NRG1: variants seen among roughly 807,000 people sequenced by gnomAD.
NRG1 encodes the protein neuregulin 1.
NRG1 carries 18 observed loss-of-function variants against 63.8 expected under a neutral mutation model. The ratio of observed to expected loss-of-function variants is 0.28; its 90% CI spans 0.19 to 0.42. The LOEUF (loss-of-function observed/expected upper bound fraction) is 0.42, where lower values mean the gene tolerates loss of function less well. NRG1 is among the 10% of genes least tolerant of loss of function. NRG1 has a pLI of 1.00. For missense variants in NRG1, 762 were observed against 814.7 expected (o/e 0.94, Z 0.79); for synonymous variants, 302 against 301.3 (o/e 1.00, Z -0.02).
chr8:32,610,839 C>G (rs1350574436), intron 3 of NRG1, among the ~76,000 whole-genome samples: 1 of 152,082 alleles, frequency 6.6e-6, no homozygotes, highest in African/African-American at 2.4e-5. Flanking sequence ...ATCTCATAGG[C>G]AGTAATTATG....
At chr8:32,584,487 C>T (rs908212187) in intron 1 of NRG1, among the ~76,000 whole-genome samples, 2 of 152,128 alleles carry the variant, frequency 1.3e-5, no homozygotes, top group African/African-American at 4.8e-5. Flanking sequence ...CTGTAGTGAA[C>T]AGAGAAGAGA....
In NRG1 at chr8:32,416,156, A is replaced by G. The variant is rs539372697; in HGVS notation, c.38-179672A>G. Among the ~76,000 whole-genome samples, 229 of 152,232 alleles carry G rather than the reference A, an allele frequency of 1.5e-3. 1 individual carries two copies. The highest frequency in any genetic ancestry group is 1.9e-3 in the Admixed American group (29 of 15,278). On this transcript the variant is annotated intron_variant, in intron 1 of 10. Coordinates refer to the NRG1 transcript ENST00000519301. ...TTGCACTTTAAGCCTCATGTTAGTT[A>G]TCTGGAATAGTATATAATATTACCT...
intron 1 of NRG1, among the ~76,000 whole-genome samples, chr8:31,997,668 C>G (rs1354601905): frequency 6.6e-6 from 1 of 151,934 alleles, no homozygotes; most frequent in East Asian, 1.9e-4. Flanking sequence ...CTCCAGAGTC[C>G]TTCCCACATC....
intron 1 of NRG1, among the ~76,000 whole-genome samples, chr8:32,066,509 A>G (rs1824845050): frequency 6.6e-6 from 1 of 151,996 alleles, no homozygotes. Flanking sequence ...GATATGCAGC[A>G]TTATTTCTGA....
intron 1 of NRG1, among the ~76,000 whole-genome samples, chr8:31,832,176 T>C (rs1327511750): frequency 6.6e-6 from 1 of 152,140 alleles, no homozygotes; most frequent in African/African-American, 2.4e-5. Context: ...AAAAAGAGCA[T>C]TTTTAAATGA....
chr8:32,273,995 G>A (rs192690510), intron 1 of NRG1, among the ~76,000 whole-genome samples: 2 of 152,202 alleles, frequency 1.3e-5, no homozygotes, highest in East Asian at 1.9e-4. Context: ...ATGTCTTTAC[G>A]TGCTTTTTCA....
intron 3 of NRG1, among the ~76,000 whole-genome samples, chr8:32,611,740 T>C (rs889078042): frequency 3.9e-5 from 6 of 152,084 alleles, no homozygotes; most frequent in Non-Finnish European, 8.8e-5. Context: ...TTTTTGTATG[T>C]ACAGCAGTGA....
intron 1 of NRG1, among the ~76,000 whole-genome samples, chr8:32,431,398 G>A (rs562990474): frequency 3.3e-5 from 5 of 152,126 alleles, no homozygotes; most frequent in South Asian, 2.1e-4. Context: ...GAAGCCACAC[G>A]TCCTGGTCCA....
intron 5 of NRG1, among the ~76,000 whole-genome samples, chr8:32,682,003 T>C (rs41359646): frequency 0.015 from 2,330 of 152,300 alleles, 71 homozygotes; most frequent in African/African-American, 0.053. Flanking sequence ...AAGGCACGTA[T>C]TCCAGATATA....
intron 1 of NRG1, among the ~76,000 whole-genome samples, chr8:32,411,931 A>G (rs968802310): frequency 5.3e-5 from 8 of 152,192 alleles, no homozygotes; most frequent in African/African-American, 1.9e-4. Context: ...TCTGATAGTC[A>G]GTGTTATGTA....
At chr8:32,090,670 A>C (rs1366159243) in intron 1 of NRG1, among the ~76,000 whole-genome samples, 1 of 152,188 alleles carries the variant, frequency 6.6e-6, no homozygotes, top group Non-Finnish European at 1.5e-5. Flanking sequence ...GAGACATTAA[A>C]ACTTCAGAAG....
At chr8:32,684,168 A>C (rs1487224036) in intron 5 of NRG1, among the ~76,000 whole-genome samples, 2 of 152,212 alleles carry the variant, frequency 1.3e-5, no homozygotes, top group Non-Finnish European at 2.9e-5. Flanking sequence ...TTTATCTCAA[A>C]GAAAAAAATA....
rs373739093 is a variant in NRG1 at position 32,345,439 on chromosome 8, A to G, written c.38-250389A>G. 1.0e-3 allele frequency among the ~76,000 whole-genome samples: 158 copies of G among 152,290 alleles called. 5 individuals carry two copies. The South Asian group carries it at 0.032, about 31-fold the overall frequency. On this transcript the variant is annotated intron_variant, in intron 1 of 10. Transcript: ENST00000519301. ...TCAGTGGTTTCAAAGTTCCAAGAGC[A>G]GGAGGAAAATCCAGACTGCCTCTGC... is the stretch of plus-strand genomic sequence containing the variant.
chr8:32,482,629 G>A (rs756994450), intron 1 of NRG1, among the ~76,000 whole-genome samples: 3 of 152,082 alleles, frequency 2.0e-5, no homozygotes, highest in Non-Finnish European at 4.4e-5. Context: ...AAGGACTATG[G>A]GGTGCTCTGT....
At chr8:31,915,150 GTATCTGCCATT>G (rs1290308177) in intron 1 of NRG1, among the ~76,000 whole-genome samples, 1 of 151,756 alleles carries the variant, frequency 6.6e-6, no homozygotes, top group Admixed American at 6.6e-5. Flanking sequence ...TAGAATTGCA[GTATCTGCCATT>G]TATCTGAGGA....
chr8:31,970,768 T>G (rs1807146300), intron 1 of NRG1, among the ~76,000 whole-genome samples: 2 of 152,056 alleles, frequency 1.3e-5, no homozygotes, highest in South Asian at 4.1e-4. Flanking sequence ...CCATGTAAAC[T>G]GTGGGTACAG....
At chr8:32,673,372 C>T (rs1806200853) in intron 5 of NRG1, among the ~76,000 whole-genome samples, 1 of 152,012 alleles carries the variant, frequency 6.6e-6, no homozygotes, top group Non-Finnish European at 1.5e-5. Flanking sequence ...AATCATAGAA[C>T]CTCATATTCA....
intron 5 of NRG1, among the ~76,000 whole-genome samples, chr8:32,642,222 G>A (rs916395886): frequency 2.0e-5 from 3 of 152,164 alleles, no homozygotes; most frequent in East Asian, 1.9e-4. Flanking sequence ...CCCATAATCT[G>A]TGTAATGCAA....
At chr8:32,008,319 A>G (rs552725971) in intron 1 of NRG1, among the ~76,000 whole-genome samples, 1 of 152,126 alleles carries the variant, frequency 6.6e-6, no homozygotes, top group East Asian at 1.9e-4. Context: ...CCAGACACCA[A>G]GGAGCTGTTA....
Sources: gnomAD v4.1 joint callset for allele counts (sites outside exome capture counted in the v4.1 genomes callset) on GRCh38, gnomAD v4.1.1 for gene constraint, MANE v1.5 for transcripts, NCBI Gene and HGNC (gene_info 2026-07-23, HGNC 2026-07-21) for gene names.